Variants in NEK11 observed in about 807,000 individuals in gnomAD.
NEK11 encodes NIMA related kinase 11.
Under a neutral mutation model 80.7 loss-of-function variants are expected in NEK11, and 72 were observed. The ratio of observed to expected loss-of-function variants is 0.89; its 90% CI spans 0.74 to 1.08. The LOEUF is 1.08. Ranked by LOEUF, NEK11 falls within the 50% of genes least tolerant of loss-of-function variation. NEK11 has a pLI of 0.00. For synonymous variants in NEK11, 251 were observed against 260.7 expected (o/e 0.96, Z 0.36); for missense variants, 764 against 763.6 (o/e 1.00, Z -0.01).
intron 14 of NEK11, among the ~76,000 whole-genome samples, chr3:131,177,836 G>A (rs140316347): frequency 6.6e-6 from 1 of 152,182 alleles, no homozygotes; most frequent in African/African-American, 2.4e-5. Flanking sequence ...TATCACTCAC[G>A]TGAATACAGT....
intron 4 of NEK11, 194 bp from the exon 5 acceptor site, chr3:131,109,609 T>C: frequency 1.9e-6 from 1 of 536,002 alleles, no homozygotes; most frequent in Non-Finnish European, 3.2e-6. Context: ...TATAGGTTAA[T>C]GTTGAGGCCG....
At chr3:131,069,264 G>C (rs931846607) in intron 3 of NEK11, among the ~76,000 whole-genome samples, 1 of 151,976 alleles carries the variant, frequency 6.6e-6, no homozygotes, top group Non-Finnish European at 1.5e-5. Context: ...ATCAGCTTTT[G>C]TTGCTTCTTA....
chr3:131,087,128 C>T (rs1302353111), intron 4 of NEK11, among the ~76,000 whole-genome samples: 1 of 152,084 alleles, frequency 6.6e-6, no homozygotes, highest in African/African-American at 2.4e-5. Flanking sequence ...ACCCCCCTTT[C>T]CTCCCTCCGG....
At chr3:131,124,395 A>G (rs1019345313) in intron 5 of NEK11, among the ~76,000 whole-genome samples, 2 of 152,230 alleles carry the variant, frequency 1.3e-5, no homozygotes, top group Non-Finnish European at 2.9e-5. Context: ...ATTTCTGTCC[A>G]GTAGAACAGA....
At chr3:131,170,962 G>A in intron 14 of NEK11, 75 bp downstream of exon 14, 2 of 1,009,762 alleles carry the variant, frequency 2.0e-6, no homozygotes, top group South Asian at 1.3e-5. Context: ...TTTGCAGTGG[G>A]TCTGTCTGGC....
At chr3:131,089,714 C>T (rs754104022) in intron 4 of NEK11, among the ~76,000 whole-genome samples, 6 of 152,164 alleles carry the variant, frequency 3.9e-5, no homozygotes, top group South Asian at 2.1e-4. Flanking sequence ...GCTGGGATTA[C>T]GGGCATGAGC....
Position 131,224,950 on chromosome 3 carries a change from C to T in NEK11, c.1400-3578C>T, listed in dbSNP as rs61521530. On this transcript the variant is annotated intron_variant, in intron 14 of 17. Transcript: ENST00000383366. Reference sequence around the variant, plus strand: ...AGAGTCAAGAAGTTTAAAAAATGTACAGTAAGCTGCTTAATTTATTATTGA... The same window carrying T: ...AGAGTCAAGAAGTTTAAAAAATGTATAGTAAGCTGCTTAATTTATTATTGA... 5.1e-3 allele frequency among the ~76,000 whole-genome samples: 777 copies of T among 152,254 alleles called. 6 individuals carry two copies. Among genetic ancestry groups the T allele is most frequent in the African/African-American group, 0.018 (747 of 41,546 alleles).
chr3:131,192,240 C>G (rs536528939), intron 14 of NEK11, among the ~76,000 whole-genome samples: 3 of 152,054 alleles, frequency 2.0e-5, no homozygotes, highest in African/African-American at 7.2e-5. Context: ...CAATGAGATA[C>G]GACTTTACAC....
chr3:131,176,748 G>A (rs1451103182), intron 14 of NEK11, among the ~76,000 whole-genome samples: 1 of 152,162 alleles, frequency 6.6e-6, no homozygotes, highest in African/African-American at 2.4e-5. Flanking sequence ...GGGAAAATTA[G>A]TCCCAGAACG....
intron 11 of NEK11, chr3:131,165,215 G>A: frequency 2.0e-6 from 1 of 489,336 alleles, no homozygotes; most frequent in South Asian, 2.9e-5. Context: ...ATTTGTAAGG[G>A]TGAATAAGGA....
chr3:131,032,495 C>T (rs1030224979), intron 3 of NEK11, among the ~76,000 whole-genome samples: 2 of 152,156 alleles, frequency 1.3e-5, no homozygotes, highest in African/African-American at 4.8e-5. Context: ...CACTACGTGC[C>T]GACCTTTGTA....
chr3:131,300,824 C>T (rs779385271), intron 17 of NEK11, among the ~76,000 whole-genome samples: 7 of 152,068 alleles, frequency 4.6e-5, no homozygotes, highest in Non-Finnish European at 1.5e-5. Flanking sequence ...ATGCCTCTAA[C>T]TTTGTTCTTT....
chr3:131,314,132 T>TGA (rs2096810919), intron 17 of NEK11, among the ~76,000 whole-genome samples: 1 of 144,096 alleles, frequency 6.9e-6, no homozygotes, highest in African/African-American at 2.8e-5. Context: ...AGAAAAAGAG[T>TGA]GTGTGTGTGT....
At chr3:131,315,273 C>A (rs2096824784) in intron 17 of NEK11, among the ~76,000 whole-genome samples, 1 of 152,136 alleles carries the variant, frequency 6.6e-6, no homozygotes, top group Admixed American at 6.5e-5. Flanking sequence ...CCCATTTAAT[C>A]CCTCCCCCCA....
intron 17 of NEK11, among the ~76,000 whole-genome samples, chr3:131,300,960 G>A (rs183258570): frequency 1.8e-4 from 27 of 152,256 alleles, no homozygotes; most frequent in African/African-American, 6.5e-4. Flanking sequence ...TATGTAAATT[G>A]CTTTGGGCAG....
intron 4 of NEK11, among the ~76,000 whole-genome samples, chr3:131,109,129 T>A (rs2079661170): frequency 6.6e-6 from 1 of 152,150 alleles, no homozygotes; most frequent in Admixed American, 6.6e-5. Context: ...GTTTGTGTGA[T>A]AACTTTTCTC....
At chr3:131,277,344 C>G (rs560319731) in intron 17 of NEK11, among the ~76,000 whole-genome samples, 1 of 152,288 alleles carries the variant, frequency 6.6e-6, no homozygotes, top group East Asian at 1.9e-4. Context: ...TGCTCTTTGA[C>G]ACTTTCCCTT....
intron 5 of NEK11, among the ~76,000 whole-genome samples, chr3:131,118,197 T>TAAAAGGC (rs2081642824): frequency 6.6e-6 from 1 of 152,230 alleles, no homozygotes; most frequent in Admixed American, 6.5e-5. Flanking sequence ...CTGTTGAAGT[T>TAAAAGGC]TGTCGAAGGC....
At chr3:131,044,373 A>G (rs963753852) in intron 3 of NEK11, among the ~76,000 whole-genome samples, 4 of 147,160 alleles carry the variant, frequency 2.7e-5, no homozygotes, top group African/African-American at 1.0e-4. Flanking sequence ...AAAGACAAAC[A>G]TAGGCTCAAA....
Sources: allele counts gnomAD v4.1 joint callset (sites outside exome capture counted in the v4.1 genomes callset), GRCh38; gene constraint gnomAD v4.1.1; transcripts MANE v1.5; gene names NCBI Gene and HGNC (gene_info 2026-07-23, HGNC 2026-07-21).